Variants in GUCY1A1 observed in about 807,000 individuals in gnomAD.
The protein encoded by GUCY1A1 is guanylate cyclase 1 soluble subunit alpha 1.
A neutral mutation model predicts 64.5 loss-of-function variants in GUCY1A1; 48 were observed. The observed-to-expected ratio is 0.74, with a 90% CI of 0.59 to 0.95. GUCY1A1 has a LOEUF of 0.95. Among genes scored for constraint, GUCY1A1 ranks in the 40% least tolerant of loss-of-function variants. The probability of loss-of-function intolerance (pLI) is 0.00; values close to 1 mark genes in which losing one functional copy is unlikely to be tolerated. For missense variants in GUCY1A1, 804 were observed against 825.3 expected (o/e 0.97, Z 0.32); for synonymous variants, 308 against 303.4 (o/e 1.02, Z -0.16).
intron 9 of GUCY1A1, among the ~76,000 whole-genome samples, chr4:155,724,541 T>C (rs1734404559): frequency 1.3e-5 from 2 of 152,092 alleles, no homozygotes; most frequent in Non-Finnish European, 2.9e-5. Context: ...TTTTCTCTCC[T>C]TATCCTCTCA....
At chr4:155,722,248 A>T in intron 9 of GUCY1A1, 56 bp downstream of exon 9, 6 of 1,567,564 alleles carry the variant, frequency 3.8e-6, no homozygotes, top group South Asian at 1.2e-5. Context: ...TACAATTGCC[A>T]TTTGCCCCAC....
intron 2 of GUCY1A1, among the ~76,000 whole-genome samples, chr4:155,682,873 T>C (rs1736005303): frequency 6.6e-6 from 1 of 152,200 alleles, no homozygotes; most frequent in African/African-American, 2.4e-5. Flanking sequence ...AGCAAGACAT[T>C]TTAGAAACTC....
At chr4:155,671,048 G>A (rs1174082054) in intron 2 of GUCY1A1, among the ~76,000 whole-genome samples, 1 of 151,886 alleles carries the variant, frequency 6.6e-6, no homozygotes, top group African/African-American at 2.4e-5. Context: ...TCTCCTTCAC[G>A]GTATCCAATG....
Position 155,677,159 on chromosome 4 carries a change from G to C in GUCY1A1, c.-113+9740G>C, listed in dbSNP as rs566236159. Among the ~76,000 whole-genome samples, 4 of 152,190 alleles carry C rather than the reference G, an allele frequency of 2.6e-5. No individual in the cohort carries two copies. The South Asian group carries it at 8.3e-4, about 32-fold the overall frequency. ...AATAGGTACCTAATAAATATTTTTG[G>C]CATATGTGAATGAATGAGTGAGTGA... On this transcript the variant is annotated intron_variant, in intron 2 of 9. Transcript: ENST00000506455.
At position 155,729,600 on chromosome 4, in the gene GUCY1A1, C is replaced by T. The variant is rs995360460; in HGVS notation, c.1872-430C>T. ...GTTCACTATTTCTTGCCCATGATTA[C>T]GTTTTATGCCCACAATTAGCATAAT... On this transcript the variant is annotated intron_variant, in intron 9 of 9. Transcript: ENST00000506455. 5.3e-5 allele frequency among the ~76,000 whole-genome samples: 8 copies of T among 151,746 alleles called. No individual in the cohort carries two copies. The East Asian group carries it at 7.8e-4, about 15-fold the overall frequency.
intron 2 of GUCY1A1, among the ~76,000 whole-genome samples, chr4:155,682,521 C>CATT (rs1735930705): frequency 1.3e-5 from 2 of 151,780 alleles, no homozygotes; most frequent in South Asian, 4.2e-4. Context: ...AATACAAAAG[C>CATT]ATTAGCTGGG....
chr4:155,713,707 C>T, intron 7 of GUCY1A1, 124 bp downstream of exon 7: 1 of 980,336 alleles, frequency 1.0e-6, no homozygotes, highest in Non-Finnish European at 1.5e-6. Context: ...CAAGCCCAGT[C>T]CTGGGAGCAG....
intron 1 of GUCY1A1, 174 bp downstream of exon 1, chr4:155,667,139 G>C (rs1733410722): frequency 6.6e-6 from 1 of 152,370 alleles, no homozygotes; most frequent in Non-Finnish European, 1.5e-5. Flanking sequence ...GGACTGTCTG[G>C]GAGCCACGCG....
intron 2 of GUCY1A1, among the ~76,000 whole-genome samples, chr4:155,679,431 G>A (rs1334713432): frequency 6.6e-6 from 1 of 152,210 alleles, no homozygotes; most frequent in East Asian, 1.9e-4. Flanking sequence ...TCTAGTGAGA[G>A]CATGAGGCTG....
rs980859968 is a variant in GUCY1A1, at chr4:155,730,012, A to T, written c.1872-18A>T. 8 of 1,454,198 alleles carry T rather than the reference A, an allele frequency of 5.5e-6. No homozygotes were observed. In the African/African-American group the frequency reaches 1.1e-4, roughly 20 times the overall value. The allele number at this position is 1,454,198 out of a possible 1,614,324, so 90.1% of individuals were successfully genotyped here. A position where few individuals can be genotyped will look rare whatever the true frequency, so the allele number is the denominator to read the frequency against. On this transcript the variant is annotated intron_variant, in intron 9 of 9. Coordinates refer to ENST00000506455, the MANE Select transcript of GUCY1A1 (RefSeq NM_001130682.3). ...GTGGACAAACATTTATGTCAGTATT[A>T]TATTTTAATATTTTCAGATTACTCA...
chr4:155,681,052 A>G (rs1421432973), intron 2 of GUCY1A1, among the ~76,000 whole-genome samples: 1 of 152,120 alleles, frequency 6.6e-6, no homozygotes, highest in Non-Finnish European at 1.5e-5. Context: ...TAACTTCTGT[A>G]CAATATTGAT....
At chr4:155,692,533 T>C (rs1047712665) in intron 2 of GUCY1A1, among the ~76,000 whole-genome samples, 4 of 152,240 alleles carry the variant, frequency 2.6e-5, no homozygotes, top group Admixed American at 2.6e-4. Context: ...GTTTTTGATT[T>C]GCATTTCTCT....
At chr4:155,703,890 T>C (rs373362954) in intron 3 of GUCY1A1, 42 bp from the exon 4 acceptor site, 39 of 1,240,402 alleles carry the variant, frequency 3.1e-5, no homozygotes, top group Non-Finnish European at 8.2e-6. Context: ...AAACAAATTA[T>C]TATATAAGGG....
In GUCY1A1 at chr4:155,696,966, A is replaced by G. The variant is rs1354864828; in HGVS notation, c.99A>G (p.Ala33=). ...TTCCTAACGAGTCTTCAGAGGAGGC[A>G]GCAGGAAGCTCAGAGAGCTGCAAAG... ...GQVPNESSEE[A]AGSSESCKAT... The change falls in exon 3 of 10, where the codon GCA becomes GCG. Residue 33 remains alanine (A), a synonymous_variant. Coordinates refer to ENST00000506455, the MANE Select transcript of GUCY1A1 (RefSeq NM_001130682.3). The G allele has an allele frequency of 8.1e-6, 13 of 1,613,470 alleles. No individual in the cohort carries two copies. Among genetic ancestry groups the G allele is most frequent in the Non-Finnish European group, 1.1e-5 (13 of 1,179,520 alleles).
intron 4 of GUCY1A1, 71 bp from the exon 5 acceptor site, chr4:155,708,165 C>G: frequency 1.3e-6 from 1 of 796,300 alleles, no homozygotes; most frequent in South Asian, 1.5e-5. Context: ...ATCATTGTTT[C>G]TGTATATTAT....
intron 4 of GUCY1A1, among the ~76,000 whole-genome samples, chr4:155,706,824 A>G (rs930339068): frequency 2.0e-5 from 3 of 152,238 alleles, no homozygotes; most frequent in African/African-American, 7.2e-5. Flanking sequence ...AAATTTTGTC[A>G]TAATCACTCA....
chr4:155,724,222 C>A (rs1326292047), intron 9 of GUCY1A1, among the ~76,000 whole-genome samples: 1 of 152,078 alleles, frequency 6.6e-6, no homozygotes, highest in Non-Finnish European at 1.5e-5. Flanking sequence ...AATAACTTTT[C>A]TGTGGAAATT....
In GUCY1A1 at chr4:155,732,603, G is replaced by T. The variant is rs996694730; in HGVS notation, c.*2372G>T. Among the ~76,000 whole-genome samples, 1 of 151,900 alleles carries T rather than the reference G, an allele frequency of 6.6e-6. No homozygotes were observed. The highest frequency in any genetic ancestry group is 6.6e-5 in the Admixed American group (1 of 15,226). On this transcript the variant is annotated 3_prime_UTR_variant, in exon 10 of 10. Coordinates refer to ENST00000506455, the MANE Select transcript of GUCY1A1 (RefSeq NM_001130682.3). ...GACCACTGATGGTAGCCAGAGTAGAGACCCTGGAGCATAGATTCTTAAAAT... is the reference window on the plus strand; with the variant it reads ...GACCACTGATGGTAGCCAGAGTAGATACCCTGGAGCATAGATTCTTAAAAT...
chr4:155,713,504 C>T lies in GUCY1A1; in HGVS notation c.1493C>T (p.Ser498Leu), dbSNP rs1233711148. Residue 498 changes from serine (S) to leucine (L), a missense_variant, in exon 7 of 10, where the codon TCA becomes TTA. Transcript: ENST00000506455. The part of the protein sequence containing the change: ...VGFTAICSQC[S>L]PLQVITMLNA... ...TTCACTGCCATCTGCTCCCAGTGCT[C>T]ACCGCTGCAGGTCATCACCATGCTC... 5 of 1,614,060 alleles carry T rather than the reference C, an allele frequency of 3.1e-6. No homozygotes were observed. The African/African-American group carries it at 4.0e-5, about 13-fold the overall frequency.
Sources: allele counts gnomAD v4.1 joint callset (sites outside exome capture counted in the v4.1 genomes callset), GRCh38; gene constraint gnomAD v4.1.1; transcripts MANE v1.5; gene names NCBI Gene and HGNC (gene_info 2026-07-23, HGNC 2026-07-21).